TMC6: variants seen among roughly 807,000 people sequenced by gnomAD.
TMC6 encodes transmembrane channel like 6.
TMC6 carries 71 observed loss-of-function variants against 95.4 expected under a neutral mutation model. The ratio of observed to expected loss-of-function variants is 0.74; its 90% CI spans 0.61 to 0.91. TMC6 has a LOEUF of 0.91. Among genes scored for constraint, TMC6 ranks in the 40% least tolerant of loss-of-function variants. TMC6 has a pLI of 0.00. For synonymous variants in TMC6, 514 were observed against 483.1 expected, an observed-to-expected ratio of 1.06 and a Z score of -0.84; for missense variants, 1,074 against 1,079.1, an observed-to-expected ratio of 1.00 and a Z score of 0.07.
Position 78,125,046 on chromosome 17 carries a change from G to A in TMC6, c.537-61C>T, listed in dbSNP as rs1312592509. The stretch of plus-strand genomic sequence containing the variant: ...TGAGGGGCCTGACTCTCTCCTTCCT[G>A]GAGACCGGCCACCCACGGGCTCAGC... On this transcript the variant is annotated intron_variant, in intron 6 of 19. Transcript: ENST00000590602. The A allele has an allele frequency of 3.9e-6, 6 of 1,542,966 alleles. No homozygotes were observed. In the African/African-American group the frequency reaches 8.2e-5, roughly 21 times the overall value.
chr17:78,130,576 C>T (rs1003727090), upstream of TMC6: 17 of 152,310 alleles, frequency 1.1e-4, no homozygotes, highest in African/African-American at 3.6e-4. Context: ...GTGGGCCACC[C>T]GCAGCCCAGC....
At chr17:78,124,366 G>C in intron 8 of TMC6, 158 bp downstream of exon 8, 1 of 1,360,988 alleles carries the variant, frequency 7.3e-7, no homozygotes. Context: ...TGAGCATCCA[G>C]GGTCATTGAG....
intron 19 of TMC6, 114 bp downstream of exon 19, chr17:78,113,434 G>A (rs1202880277): frequency 7.4e-7 from 1 of 1,352,174 alleles, no homozygotes; most frequent in East Asian, 2.4e-5. Flanking sequence ...TAGGTCAAAA[G>A]CGGTCAAGTG....
upstream of TMC6, chr17:78,131,693 C>A (rs760986305): frequency 3.8e-6 from 6 of 1,578,870 alleles, no homozygotes; most frequent in Admixed American, 5.5e-5. Flanking sequence ...CTGGGACGCC[C>A]GTGCGCGGGC....
intron 13 of TMC6, 62 bp downstream of exon 13, chr17:78,120,591 C>T: frequency 6.6e-7 from 1 of 1,523,164 alleles, no homozygotes; most frequent in Non-Finnish European, 8.8e-7. Context: ...AACCTCCCGG[C>T]CACACGTCCC....
Position 78,125,145 on chromosome 17 carries a change from CGG to C in TMC6, c.536+11_536+12del. The C allele has an allele frequency of 6.4e-7, 1 of 1,554,958 alleles. No homozygotes were observed. The highest frequency in any genetic ancestry group is 8.7e-7 in the Non-Finnish European group (1 of 1,149,550). Reference sequence around the variant, plus strand: ...GCAGCAGCGGCGGCATGGTCAGGGTCGGGGCTGCTCACCGCAGGCTGCGTTTC... The same window carrying C: ...GCAGCAGCGGCGGCATGGTCAGGGTCGGCTGCTCACCGCAGGCTGCGTTTC... On this transcript the variant is annotated intron_variant, in intron 6 of 19. Transcript: ENST00000590602.
intron 6 of TMC6, 67 bp downstream of exon 6, chr17:78,125,091 A>G: frequency 6.5e-7 from 1 of 1,541,688 alleles, no homozygotes; most frequent in Non-Finnish European, 8.7e-7. Flanking sequence ...CCCACCACCT[A>G]GCCCAGCTGA....
In TMC6 at chr17:78,125,759, G is replaced by A. The variant is rs1364465830; in HGVS notation, c.397C>T (p.Leu133=). ...TCCAGGGCCGTGGGGTCCAGCTCCA[G>A]GTCGTACAGGCGGAGGCTGGGCCAG... ...SAWPSLRLYD[L]ELDPTALEEE... The change falls in exon 5 of 20, where the codon CTG becomes TTG. Residue 133 remains leucine (L), a synonymous_variant. Transcript: ENST00000590602. The A allele has an allele frequency of 6.4e-7, 1 of 1,568,818 alleles. No individual in the cohort carries two copies.
At position 78,117,475 on chromosome 17, in the gene TMC6, G is replaced by C. The variant is rs750861056; in HGVS notation, c.2191C>G (p.Leu731Val). The change falls in exon 17 of 20, where the codon CTG becomes GTG. Residue 731 changes from leucine to valine, a missense_variant. Coordinates refer to ENST00000590602, the MANE Select transcript of TMC6 (RefSeq NM_001127198.5). ...NTFFVFLVSALLLAVIYLNIQ... is the reference protein window; with the variant it reads ...NTFFVFLVSAVLLAVIYLNIQ... ...CCCACCTGCGGGACTCACAGCAGCA[G>C]GGCTGACACCAGGAAGACAAAGAAG... 3.7e-6 allele frequency: 6 copies of C among 1,610,190 alleles called. No individual in the cohort carries two copies. The highest frequency in any genetic ancestry group is 5.1e-6 in the Non-Finnish European group (6 of 1,179,230).
chr17:78,115,618 A>G (rs12950805), intron 18 of TMC6, among the ~76,000 whole-genome samples: 13,421 of 145,450 alleles, frequency 0.092, 690 homozygotes, highest in African/African-American at 0.21. Flanking sequence ...GGCAGAGAGG[A>G]GCGAAGGGAG....
chr17:78,123,926 G>A lies in TMC6; in HGVS notation c.1082+63C>T, dbSNP rs2074560093. ...GGAAGAGGGAAGAATCAATGAATGG[G>A]TCGAAAGATGAATGGATGGATGAGT... On this transcript the variant is annotated intron_variant, in intron 9 of 19. Transcript: ENST00000590602. 10 of 1,589,418 alleles carry A rather than the reference G, an allele frequency of 6.3e-6. No homozygotes were observed. The South Asian group carries it at 1.0e-4, about 16-fold the overall frequency.
chr17:78,128,905 A>G (rs1035099784), upstream of TMC6: 2 of 150,534 alleles, frequency 1.3e-5, no homozygotes, highest in African/African-American at 4.9e-5. The surrounding 1 kb of genome is among the most constrained non-coding windows in gnomAD (Gnocchi z 4.0). Flanking sequence ...TCCCCTGCCA[A>G]CTTCCGACCC....
At chr17:78,116,964 T>C (rs2074149193) in intron 18 of TMC6, among the ~76,000 whole-genome samples, 1 of 151,990 alleles carries the variant, frequency 6.6e-6, no homozygotes, top group Non-Finnish European at 1.5e-5. Context: ...GACCCAAAAA[T>C]CCTCACAGAG....
intron 7 of TMC6, 38 bp from the exon 8 acceptor site, chr17:78,124,819 G>A (rs369785397): frequency 8.0e-5 from 126 of 1,578,072 alleles, no homozygotes; most frequent in Admixed American, 1.3e-4. Flanking sequence ...GGGTGAGGCC[G>A]GAGGAGGCAC....
chr17:78,125,777 T>C lies in TMC6; in HGVS notation c.379A>G (p.Ser127Gly). The C allele has an allele frequency of 6.4e-7, 1 of 1,565,766 alleles. No individual in the cohort carries two copies. The highest frequency in any genetic ancestry group is 8.7e-7 in the Non-Finnish European group (1 of 1,155,510). The change falls in exon 5 of 20, where the codon AGC becomes GGC. Residue 127 changes from serine to glycine, a missense_variant. Ser to Gly is a moderately conservative substitution (Grantham distance 56). Transcript: ENST00000590602. ...LGNFVRSAWPSLRLYDLELDP... is the reference protein window; with the variant it reads ...LGNFVRSAWPGLRLYDLELDP... Reference sequence around the variant, plus strand: ...AGCTCCAGGTCGTACAGGCGGAGGCTGGGCCAGGCGGAGCGGACAAAGTTC... The same window carrying C: ...AGCTCCAGGTCGTACAGGCGGAGGCCGGGCCAGGCGGAGCGGACAAAGTTC...
At chr17:78,132,339 A>G (rs1387623790), upstream of TMC6, 2 of 1,611,420 alleles carry the variant, frequency 1.2e-6, no homozygotes, top group Non-Finnish European at 1.7e-6. Context: ...TCCCTGACCC[A>G]CCCTGCTCTC....
Position 78,109,939 on chromosome 17 carries a change from G to T in TMC6, c.*3209C>A, listed in dbSNP as rs969946885. 9.3e-6 allele frequency: 2 copies of T among 214,572 alleles called. No homozygotes were observed. Among genetic ancestry groups the T allele is most frequent in the Non-Finnish European group, 1.9e-5 (2 of 104,248 alleles). The allele number at this position is 214,572 out of a possible 1,614,324, so 13.3% of individuals were successfully genotyped here. ...AAATTAGCTGGGCATGGTAGCACATGCCTGTAATCCCAGCTACTTGGGAAG... is the reference window on the plus strand; with the variant it reads ...AAATTAGCTGGGCATGGTAGCACATTCCTGTAATCCCAGCTACTTGGGAAG... On this transcript the variant is annotated 3_prime_UTR_variant, in exon 20 of 20. Transcript: ENST00000590602.
rs755826726 is a variant in TMC6, at chr17:78,125,830, C to T, written c.326G>A (p.Arg109Gln). 3.9e-6 allele frequency: 6 copies of T among 1,554,042 alleles called. No homozygotes were observed. Among genetic ancestry groups the T allele is most frequent in the East Asian group, 2.4e-5 (1 of 41,146 alleles). Residue 109 changes from arginine (R) to glutamine (Q), a missense_variant, in exon 5 of 20, where the codon CGG becomes CAG. Coordinates refer to ENST00000590602, the MANE Select transcript of TMC6 (RefSeq NM_001127198.5). Reference sequence around the variant, plus strand: ...GAGCAGGGGCCGGCTGCTCCTGCACCGAAGCTGCACCGTGCGGTTGTAGTA... The same window carrying T: ...GAGCAGGGGCCGGCTGCTCCTGCACTGAAGCTGCACCGTGCGGTTGTAGTA... ...SQYYNRTVQL[R>Q]CRSSRPLLGN...
Position 78,126,888 on chromosome 17 carries a change from C to A in TMC6, c.-56G>T. 6.3e-7 allele frequency: 1 copy of A among 1,591,536 alleles called. No individual in the cohort carries two copies. Among genetic ancestry groups the A allele is most frequent in the Non-Finnish European group, 8.6e-7 (1 of 1,168,828 alleles). The stretch of plus-strand genomic sequence containing the variant: ...CCTAGGGTAGCTCAGAGCCTGGGCG[C>A]CACCTCCGGAGCCCCCATCTGATGA... On this transcript the variant is annotated 5_prime_UTR_variant, in exon 2 of 20. Transcript: ENST00000590602.
Sources: gnomAD v4.1 joint callset for allele counts (sites outside exome capture counted in the v4.1 genomes callset) on GRCh38, gnomAD v4.1.1 for gene constraint, Gnocchi (gnomAD v3.1) non-coding constraint, MANE v1.5 for transcripts, NCBI Gene and HGNC (gene_info 2026-07-23, HGNC 2026-07-21) for gene names.